The following PPP1R10 variants were observed in gnomAD, a reference collection of about 807,000 sequenced individuals.
The protein encoded by PPP1R10 is protein phosphatase 1 regulatory subunit 10, also known as serine/threonine-protein phosphatase 1 regulatory subunit 10.
Under a neutral mutation model 99.0 loss-of-function variants are expected in PPP1R10, and 15 were observed. That is an observed-to-expected ratio of 0.15 (90% CI 0.10 to 0.23). PPP1R10 has a LOEUF of 0.23. Ranked by LOEUF, PPP1R10 falls within the 10% of genes least tolerant of loss-of-function variation. PPP1R10 has a pLI of 1.00. For missense variants in PPP1R10, 947 were observed against 1,259.4 expected (o/e 0.75, Z 3.75); for synonymous variants, 430 against 449.5 (o/e 0.96, Z 0.55).
intron 17 of PPP1R10, 22 bp downstream of exon 17, chr6:30,603,188 T>C: frequency 1.3e-6 from 2 of 1,599,520 alleles, no homozygotes; most frequent in Non-Finnish European, 1.7e-6. Context: ...CCCAGTCCCC[T>C]GGGGCTGGCC....
At chr6:30,608,131 G>A (rs1232672013) in intron 5 of PPP1R10, among the ~76,000 whole-genome samples, 1 of 151,782 alleles carries the variant, frequency 6.6e-6, no homozygotes, top group South Asian at 2.1e-4. Flanking sequence ...TGAGACTACA[G>A]GCATGCACCA....
rs544861349 is a variant in PPP1R10 at position 30,600,695 on chromosome 6, G to A, written c.*854C>T. 6.6e-6 allele frequency: 1 copy of A among 152,592 alleles called. No homozygotes were observed. The highest frequency in any genetic ancestry group is 6.5e-5 in the Admixed American group (1 of 15,272). 9.5% of individuals were successfully genotyped at this position (152,592 alleles called of 1,614,324 possible). A position where few individuals can be genotyped will look rare whatever the true frequency, so the allele number is the denominator to read the frequency against. On this transcript the variant is annotated 3_prime_UTR_variant, in exon 20 of 20. Coordinates refer to ENST00000376511, the MANE Select transcript of PPP1R10 (RefSeq NM_002714.4). ...TTCACGCTGGCAAGGTTCCAGGTGG[G>A]AGCAGGGAGTGAGCTGACTCCCAAA...
intron 2 of PPP1R10, among the ~76,000 whole-genome samples, chr6:30,614,006 G>C (rs1209599703): frequency 6.6e-6 from 1 of 152,188 alleles, no homozygotes. Context: ...GGTCACCAGA[G>C]GGCAGTTATA....
At chr6:30,607,154 C>T (rs1158474287) in intron 6 of PPP1R10, among the ~76,000 whole-genome samples, 1 of 152,176 alleles carries the variant, frequency 6.6e-6, no homozygotes, top group Non-Finnish European at 1.5e-5. Flanking sequence ...AAAGACTACA[C>T]GTTGGGTGCA....
At position 30,603,790 on chromosome 6, in the gene PPP1R10, G is replaced by C; in HGVS notation, c.1562C>G (p.Pro521Arg). Residue 521 changes from proline (P) to arginine (R), a missense_variant, in exon 15 of 20, where the codon CCC becomes CGC. Pro to Arg is a moderately radical substitution (Grantham distance 103). Transcript: ENST00000376511. ...PYEPIPPKLI[P>R]LDEECSMDET... is the part of the protein sequence containing the mutation. ...AGAACATTGACTTACCTCATCTAGG[G>C]GGATGAGTTTAGGGGGTATGGGCTC... The C allele has an allele frequency of 6.5e-7, 1 of 1,543,728 alleles. No individual in the cohort carries two copies. Among genetic ancestry groups the C allele is most frequent in the South Asian group, 1.3e-5 (1 of 79,544 alleles).
At position 30,609,302 on chromosome 6, in the gene PPP1R10, G is replaced by T; in HGVS notation, c.108-139C>A. On this transcript the variant is annotated intron_variant, in intron 3 of 19. Transcript: ENST00000376511. This position sits in a 1 kb window ranked among gnomAD's most constrained non-coding sequence, Gnocchi z 4.5. Reference sequence around the variant, plus strand: ...AGAAGGGGAGTCACATATACCTCTAGGAAGATGGGATGGATCCAGTGTGAC... The same window carrying T: ...AGAAGGGGAGTCACATATACCTCTATGAAGATGGGATGGATCCAGTGTGAC... The T allele has an allele frequency of 1.4e-6, 1 of 706,184 alleles. No individual in the cohort carries two copies. 43.7% of individuals were successfully genotyped at this position (706,184 alleles called of 1,614,324 possible).
chr6:30,606,115 G>C lies in PPP1R10; in HGVS notation c.740+23C>G. The C allele has an allele frequency of 6.2e-7, 1 of 1,613,600 alleles. No homozygotes were observed. Among genetic ancestry groups the C allele is most frequent in the Non-Finnish European group, 8.5e-7 (1 of 1,179,608 alleles). On this transcript the variant is annotated intron_variant, in intron 9 of 19. Coordinates refer to ENST00000376511, the MANE Select transcript of PPP1R10 (RefSeq NM_002714.4). This position sits in a 1 kb window ranked among gnomAD's most constrained non-coding sequence, Gnocchi z 6.3. ...TGTGTCCACAGATCCACCCCATTCA[G>C]AGCCTGAGAATATGGTCCATACCTC...
chr6:30,607,757 A>G, intron 6 of PPP1R10, 83 bp downstream of exon 6: 5 of 1,465,174 alleles, frequency 3.4e-6, no homozygotes, highest in Non-Finnish European at 3.8e-6. Flanking sequence ...TGAAGGGACA[A>G]TCCAAGGATG....
At chr6:30,611,216 G>A (rs1268851691) in intron 2 of PPP1R10, among the ~76,000 whole-genome samples, 2 of 152,172 alleles carry the variant, frequency 1.3e-5, no homozygotes, top group Non-Finnish European at 2.9e-5. Flanking sequence ...TGGGAAAACG[G>A]GAGGACTGCT....
In PPP1R10 at chr6:30,603,297, T is replaced by A. The variant is rs756134086; in HGVS notation, c.1768-12A>T. On this transcript the variant is annotated splice_polypyrimidine_tract_variant and intron_variant, in intron 16 of 19. Coordinates refer to ENST00000376511, the MANE Select transcript of PPP1R10 (RefSeq NM_002714.4). ...CTGTTTGGGCTACCCTGTGAGGATG[T>A]AAGAAGGCAAAGTCAACAGACAGAA... The A allele has an allele frequency of 6.2e-7, 1 of 1,608,246 alleles. No homozygotes were observed. Among genetic ancestry groups the A allele is most frequent in the Non-Finnish European group, 8.5e-7 (1 of 1,174,700 alleles).
Position 30,612,699 on chromosome 6 carries a change from G to A in PPP1R10, c.-11-2744C>T, listed in dbSNP as rs540952898. Among the ~76,000 whole-genome samples the A allele has an allele frequency of 5.9e-5, 9 of 152,258 alleles. No individual in the cohort carries two copies. In the East Asian group the frequency reaches 1.5e-3, roughly 26 times the overall value. On this transcript the variant is annotated intron_variant, in intron 2 of 19. Transcript: ENST00000376511. ...TCTTATTTAAAATTAAGGACCCCAA[G>A]TGTCTTATAACCTAGTTTCCTTGCT...
intron 5 of PPP1R10, among the ~76,000 whole-genome samples, chr6:30,608,246 C>T (rs906021109): frequency 6.6e-6 from 1 of 151,360 alleles, no homozygotes; most frequent in Non-Finnish European, 1.5e-5. Flanking sequence ...CCCACCTCAG[C>T]ATCCCAAAGT....
At chr6:30,605,740 G>C (rs1238851152) in intron 10 of PPP1R10, 183 bp downstream of exon 10, 23 of 633,202 alleles carry the variant, frequency 3.6e-5, no homozygotes, top group Non-Finnish European at 6.1e-5. Context: ...GGCACCAGTA[G>C]TCCCAGCTAC....
intron 6 of PPP1R10, 147 bp downstream of exon 6, chr6:30,607,693 G>T: frequency 1.2e-6 from 1 of 840,148 alleles, no homozygotes; most frequent in Non-Finnish European, 1.9e-6. Context: ...CAGGTTAGAG[G>T]AACTTTCTCT....
At chr6:30,615,811 T>C (rs1011776924) in intron 2 of PPP1R10, among the ~76,000 whole-genome samples, 2 of 152,236 alleles carry the variant, frequency 1.3e-5, no homozygotes, top group East Asian at 1.9e-4. Context: ...TTGTATGTAC[T>C]GGCACTAAGA....
Position 30,609,094 on chromosome 6 carries a change from T to A in PPP1R10, c.177A>T (p.Ser59=). The A allele has an allele frequency of 6.2e-7, 1 of 1,614,022 alleles. No homozygotes were observed. Among genetic ancestry groups the A allele is most frequent in the Non-Finnish European group, 8.5e-7 (1 of 1,180,034 alleles). The change falls in exon 4 of 20, where the codon TCA becomes TCT. Residue 59 remains serine (S), a synonymous_variant. Coordinates refer to ENST00000376511, the MANE Select transcript of PPP1R10 (RefSeq NM_002714.4). The surrounding 1 kb of genome is among the most constrained non-coding windows in gnomAD (Gnocchi z 4.5). Reference sequence around the variant, plus strand: ...CCACTTACTTGACCAATATTTCTGGTGAACGGGTCTGCAGGAGAATGTTCA... The same window carrying A: ...CCACTTACTTGACCAATATTTCTGGAGAACGGGTCTGCAGGAGAATGTTCA... ...TYLNILLQTR[S]PEILVKFIDV...
intron 2 of PPP1R10, among the ~76,000 whole-genome samples, chr6:30,611,746 A>C (rs1460805285): frequency 6.6e-6 from 1 of 152,144 alleles, no homozygotes; most frequent in Admixed American, 6.5e-5. Flanking sequence ...CTGTGGGCTG[A>C]ACAGAGGGAG....
At chr6:30,605,472 A>G (rs905620908) in intron 10 of PPP1R10, among the ~76,000 whole-genome samples, 1 of 152,144 alleles carries the variant, frequency 6.6e-6, no homozygotes, top group Non-Finnish European at 1.5e-5. Flanking sequence ...GAGGTACAAA[A>G]AGTAAGGGAT....
rs556750786 is a variant in PPP1R10, at chr6:30,605,630, G to A, written c.853+293C>T. ...AATCCCAGCACTTTGGGAAGCTGAG[G>A]TGGGTGGATCACGAGGTCAGGAAAT... is the stretch of plus-strand genomic sequence containing the variant. On this transcript the variant is annotated intron_variant, in intron 10 of 19. Transcript: ENST00000376511. Among the ~76,000 whole-genome samples, 23 of 152,236 alleles carry A rather than the reference G, an allele frequency of 1.5e-4. No homozygotes were observed. The South Asian group carries it at 4.6e-3, about 30-fold the overall frequency.
Sources: gnomAD v4.1 joint callset for allele counts (sites outside exome capture counted in the v4.1 genomes callset) on GRCh38, gnomAD v4.1.1 for gene constraint, Gnocchi (gnomAD v3.1) non-coding constraint, MANE v1.5 for transcripts, NCBI Gene and HGNC (gene_info 2026-07-23, HGNC 2026-07-21) for gene names.